The following PDE4B variants were observed in gnomAD, a reference collection of about 807,000 sequenced individuals.
PDE4B encodes phosphodiesterase 4B, also known as 3',5'-cyclic-AMP phosphodiesterase 4B.
In PDE4B, 20 loss-of-function variants were observed where a neutral mutation model predicts 82.2. That is an observed-to-expected ratio of 0.24 (90% CI 0.17 to 0.35). PDE4B has a LOEUF of 0.35. Among genes scored for constraint, PDE4B ranks in the 10% least tolerant of loss-of-function variants. The pLI is 1.00. For missense variants in PDE4B, 655 were observed against 907.2 expected (o/e 0.72, Z 3.57); for synonymous variants, 320 against 318.9 (o/e 1.00, Z -0.04).
intron 3 of PDE4B, among the ~76,000 whole-genome samples, chr1:66,063,495 TG>T (rs1655687858): frequency 6.6e-6 from 1 of 152,026 alleles, no homozygotes; most frequent in Admixed American, 6.6e-5. Flanking sequence ...TACTTTGTTT[TG>T]TTTTTTAAAT....
At chr1:66,138,665 ACTAATGG>A (rs1646109673) in intron 3 of PDE4B, among the ~76,000 whole-genome samples, 1 of 152,372 alleles carries the variant, frequency 6.6e-6, no homozygotes, top group Non-Finnish European at 1.5e-5. Flanking sequence ...TTAATACAAC[ACTAATGG>A]CTAACAGGTG....
At chr1:65,924,092 T>TTTTTTTTTTTTTTTTTTTTTTAA (rs1647361840) in intron 3 of PDE4B, among the ~76,000 whole-genome samples, 1 of 93,474 alleles carries the variant, frequency 1.1e-5, no homozygotes, top group African/African-American at 3.7e-5. Context: ...TTTTTTTTTT[T>TTTTTTTTTTTTTTTTTTTTTTAA]GAGACGGAGT....
intron 3 of PDE4B, among the ~76,000 whole-genome samples, chr1:65,936,475 T>C (rs1039468133): frequency 2.0e-5 from 3 of 152,188 alleles, no homozygotes; most frequent in African/African-American, 4.8e-5. Flanking sequence ...TTGACCCAAA[T>C]ATTATTATGC....
intron 1 of PDE4B, among the ~76,000 whole-genome samples, chr1:65,876,324 T>G (rs1206548451): frequency 6.6e-6 from 1 of 152,090 alleles, no homozygotes; most frequent in African/African-American, 2.4e-5. Flanking sequence ...CCCTAAAAAG[T>G]TGTCAGTATC....
chr1:66,235,266 C>G (rs910155660), intron 3 of PDE4B, among the ~76,000 whole-genome samples: 1 of 152,094 alleles, frequency 6.6e-6, no homozygotes, highest in South Asian at 2.1e-4. Flanking sequence ...TCTTCTATAT[C>G]CTTACTGGGT....
chr1:66,116,217 T>C (rs1169955242), intron 3 of PDE4B, among the ~76,000 whole-genome samples: 1 of 152,242 alleles, frequency 6.6e-6, no homozygotes, highest in Non-Finnish European at 1.5e-5. Flanking sequence ...CTGGGTTTTT[T>C]TTTTATCTGG....
Position 66,367,925 on chromosome 1 carries a change from A to T in PDE4B, c.1540-18A>T, listed in dbSNP as rs1452308127. The T allele has an allele frequency of 1.2e-6, 2 of 1,612,970 alleles. No individual in the cohort carries two copies. Among genetic ancestry groups the T allele is most frequent in the African/African-American group, 1.3e-5 (1 of 74,780 alleles). On this transcript the variant is annotated intron_variant, in intron 14 of 16. Coordinates refer to ENST00000341517, the MANE Select transcript of PDE4B (RefSeq NM_002600.4). ...TAGACTGAATTTATTAAGAGTTTTCATTTTCTTTTTACCCAAGGTGTTAGC... is the reference window on the plus strand; with the variant it reads ...TAGACTGAATTTATTAAGAGTTTTCTTTTTCTTTTTACCCAAGGTGTTAGC...
chr1:66,277,736 T>C (rs948164426), intron 7 of PDE4B, among the ~76,000 whole-genome samples: 9 of 152,324 alleles, frequency 5.9e-5, no homozygotes, highest in Middle Eastern at 3.4e-3. Context: ...GAGCCCCAAG[T>C]CTGGGTTAGT....
chr1:65,795,873 CCA>C (rs1645626383), intron 1 of PDE4B, among the ~76,000 whole-genome samples: 1 of 152,170 alleles, frequency 6.6e-6, no homozygotes, highest in African/African-American at 2.4e-5. Flanking sequence ...CCAGGGAAAC[CCA>C]CCTGTGACTA....
At chr1:66,122,985 T>C (rs1322554110) in intron 3 of PDE4B, among the ~76,000 whole-genome samples, 6 of 152,196 alleles carry the variant, frequency 3.9e-5, no homozygotes, top group Admixed American at 1.3e-4. Context: ...GGATTACAGA[T>C]GTGAGCCACC....
chr1:65,910,266 G>C (rs1240874407), intron 1 of PDE4B, among the ~76,000 whole-genome samples: 1 of 152,202 alleles, frequency 6.6e-6, no homozygotes, highest in Admixed American at 6.5e-5. Context: ...ATTGTCATCT[G>C]TGAGTGAGGA....
chr1:66,055,416 A>C (rs1655245133), intron 3 of PDE4B, among the ~76,000 whole-genome samples: 1 of 152,262 alleles, frequency 6.6e-6, no homozygotes, highest in South Asian at 2.1e-4. Flanking sequence ...AGGATTAATA[A>C]AATAGCTAGT....
chr1:65,823,993 G>A (rs566530168), intron 1 of PDE4B, among the ~76,000 whole-genome samples: 10 of 152,090 alleles, frequency 6.6e-5, no homozygotes, highest in African/African-American at 2.2e-4. Flanking sequence ...TTTCTACCTG[G>A]TGTTATAGTT....
intron 3 of PDE4B, among the ~76,000 whole-genome samples, chr1:66,232,503 C>T (rs1282956205): frequency 6.6e-6 from 1 of 152,014 alleles, no homozygotes; most frequent in African/African-American, 2.4e-5. Flanking sequence ...AGATAGTATT[C>T]TATATCATGA....
At chr1:66,116,228 G>T (rs953370750) in intron 3 of PDE4B, among the ~76,000 whole-genome samples, 13 of 151,774 alleles carry the variant, frequency 8.6e-5, no homozygotes, top group African/African-American at 3.1e-4. Context: ...TTTTATCTGG[G>T]TCTCTCTCAT....
intron 3 of PDE4B, among the ~76,000 whole-genome samples, chr1:66,245,241 G>A (rs1208719582): frequency 1.3e-5 from 2 of 152,180 alleles, no homozygotes; most frequent in African/African-American, 2.4e-5. Context: ...TGGGGCAGTG[G>A]ATGGATGCTA....
At chr1:66,101,132 TCATCCATCTTC>T (rs1397557766) in intron 3 of PDE4B, among the ~76,000 whole-genome samples, 7 of 152,184 alleles carry the variant, frequency 4.6e-5, no homozygotes, top group African/African-American at 1.7e-4. Flanking sequence ...GTTTCCAGCT[TCATCCATCTTC>T]CTAGAAAGGA....
chr1:65,803,675 A>C (rs1368519689), intron 1 of PDE4B, among the ~76,000 whole-genome samples: 2 of 152,174 alleles, frequency 1.3e-5, no homozygotes, highest in Non-Finnish European at 2.9e-5. Flanking sequence ...ACTCGGATTA[A>C]AATGTACGAT....
intron 3 of PDE4B, among the ~76,000 whole-genome samples, chr1:66,059,290 C>T (rs1655464754): frequency 6.6e-6 from 1 of 152,182 alleles, no homozygotes; most frequent in South Asian, 2.1e-4. Flanking sequence ...AAGTTCCAAG[C>T]CTTCCCACAT....
Sources: allele counts gnomAD v4.1 joint callset (sites outside exome capture counted in the v4.1 genomes callset), GRCh38; gene constraint gnomAD v4.1.1; transcripts MANE v1.5; gene names NCBI Gene and HGNC (gene_info 2026-07-23, HGNC 2026-07-21).